CDH20: variants seen among roughly 807,000 people sequenced by gnomAD.
CDH20 encodes the protein cadherin 20.
Under a neutral mutation model 74.2 loss-of-function variants are expected in CDH20, and 29 were observed. The observed-to-expected ratio is 0.39, with a 90% CI of 0.29 to 0.53. The LOEUF (loss-of-function observed/expected upper bound fraction) is 0.53. CDH20 is among the 20% of genes least tolerant of loss of function. The pLI is 0.69. For missense variants in CDH20, 988 were observed against 1,048.3 expected (o/e 0.94, Z 0.79); for synonymous variants, 469 against 405.4 (o/e 1.16, Z -1.88).
At chr18:61,538,602 G>GTTTTTTTTTTTTTTTTTTTTT (rs1227502362) in intron 8 of CDH20, among the ~76,000 whole-genome samples, 1 of 50,448 alleles carries the variant, frequency 2.0e-5, no homozygotes, top group Non-Finnish European at 3.8e-5. Context: ...GTTTGTTTTT[G>GTTTTTTTTTTTTTTTTTTTTT]TTTTTGTTTT....
chr18:61,443,689 G>T (rs1909104793), intron 1 of CDH20, among the ~76,000 whole-genome samples: 1 of 152,138 alleles, frequency 6.6e-6, no homozygotes, highest in South Asian at 2.1e-4. Flanking sequence ...TCCATAGCGA[G>T]ATTTTCTTTT....
At chr18:61,538,732 C>T (rs1166860001) in intron 8 of CDH20, among the ~76,000 whole-genome samples, 1 of 150,820 alleles carries the variant, frequency 6.6e-6, no homozygotes, top group Non-Finnish European at 1.5e-5. Flanking sequence ...CATTCTCCTG[C>T]CTCAGTCTCC....
chr18:61,540,776 A>T (rs528590473), intron 9 of CDH20, among the ~76,000 whole-genome samples: 3 of 152,338 alleles, frequency 2.0e-5, no homozygotes, highest in South Asian at 4.2e-4. Context: ...CTAGGTCTGC[A>T]TAACCAAAAC....
chr18:61,494,308 T>C (rs1186113130), intron 2 of CDH20, among the ~76,000 whole-genome samples: 1 of 152,172 alleles, frequency 6.6e-6, no homozygotes, highest in Non-Finnish European at 1.5e-5. Flanking sequence ...GGCTGCTTCC[T>C]GAACCCTTGA....
chr18:61,504,344 C>T (rs1401645272), intron 5 of CDH20, among the ~76,000 whole-genome samples: 1 of 152,134 alleles, frequency 6.6e-6, no homozygotes, highest in East Asian at 1.9e-4. Context: ...GGACTTCTGC[C>T]TCTTGATTTC....
intron 1 of CDH20, among the ~76,000 whole-genome samples, chr18:61,460,367 C>G (rs769762558): frequency 6.6e-6 from 1 of 152,112 alleles, no homozygotes; most frequent in South Asian, 2.1e-4. Flanking sequence ...GCATTGAATT[C>G]AAAACAACAG....
At position 61,554,818 on chromosome 18, in the gene CDH20, G is replaced by A; in HGVS notation, c.*123G>A. On this transcript the variant is annotated 3_prime_UTR_variant, in exon 12 of 12. Coordinates refer to ENST00000262717, the MANE Select transcript of CDH20 (RefSeq NM_031891.4). ...AGAGTGAGAATGGGGGTGAGCAGGC[G>A]AACAGAGCTCTCTCTGGATCAGCTT... 1.4e-6 allele frequency: 2 copies of A among 1,430,790 alleles called. No homozygotes were observed. The highest frequency in any genetic ancestry group is 2.5e-5 in the East Asian group (1 of 39,800). 88.6% of individuals were successfully genotyped at this position (1,430,790 alleles called of 1,614,324 possible). A position where few individuals can be genotyped will look rare whatever the true frequency, so the allele number is the denominator to read the frequency against.
chr18:61,482,373 CCAG>C (rs780389185), intron 1 of CDH20, among the ~76,000 whole-genome samples: 1 of 152,194 alleles, frequency 6.6e-6, no homozygotes, highest in African/African-American at 2.4e-5. Flanking sequence ...TTCATCTTTT[CCAG>C]TTCCAACTTT....
At chr18:61,507,711 A>C (rs1911625518) in intron 6 of CDH20, 151 bp downstream of exon 6, 2 of 519,260 alleles carry the variant, frequency 3.9e-6, no homozygotes, top group Non-Finnish European at 6.4e-6. Flanking sequence ...CACACAGAAA[A>C]CCTCTTAACC....
chr18:61,517,636 G>A (rs1251914689), intron 6 of CDH20, among the ~76,000 whole-genome samples: 2 of 152,164 alleles, frequency 1.3e-5, no homozygotes, highest in African/African-American at 4.8e-5. Flanking sequence ...CAGGGACCTG[G>A]GTTTCAAGCA....
intron 1 of CDH20, among the ~76,000 whole-genome samples, chr18:61,430,536 A>C (rs1175812305): frequency 6.6e-6 from 1 of 152,198 alleles, no homozygotes; most frequent in African/African-American, 2.4e-5. Flanking sequence ...ACATTTAAGG[A>C]CTTGGAAGCT....
intron 1 of CDH20, among the ~76,000 whole-genome samples, chr18:61,414,378 T>C (rs113323543): frequency 5.3e-4 from 80 of 152,262 alleles, no homozygotes; most frequent in African/African-American, 1.6e-3. Context: ...AATGTATTCG[T>C]CTCCTATGAC....
intron 1 of CDH20, among the ~76,000 whole-genome samples, chr18:61,405,647 C>T (rs752718466): frequency 2.2e-4 from 34 of 152,094 alleles, no homozygotes; most frequent in Non-Finnish European, 3.2e-4. Flanking sequence ...TCAGGTTCTT[C>T]TAGTCAATCA....
Position 61,490,483 on chromosome 18 carries a change from T to C in CDH20, c.-71T>C. 1 of 1,500,528 alleles carries C rather than the reference T, an allele frequency of 6.7e-7. No individual in the cohort carries two copies. The highest frequency in any genetic ancestry group is 1.2e-5 in the South Asian group (1 of 83,940). 93.0% of individuals were successfully genotyped at this position (1,500,528 alleles called of 1,614,324 possible). ...GTCCAATCAAAAACTGTGTATTTTT[T>C]TAAATTTGGAAAATACTCAAGTTCC... On this transcript the variant is annotated 5_prime_UTR_variant, in exon 2 of 12. Transcript: ENST00000262717.
intron 1 of CDH20, among the ~76,000 whole-genome samples, chr18:61,350,434 T>C (rs1406094388): frequency 2.6e-5 from 4 of 152,074 alleles, no homozygotes; most frequent in South Asian, 2.1e-4. Flanking sequence ...TAATATATCA[T>C]GGTAATTATG....
chr18:61,447,857 G>A (rs1433708866), intron 1 of CDH20, among the ~76,000 whole-genome samples: 1 of 152,042 alleles, frequency 6.6e-6, no homozygotes, highest in Non-Finnish European at 1.5e-5. Flanking sequence ...CCTCTTTTCA[G>A]TAACATTCTA....
At chr18:61,542,255 A>C (rs1913067125) in intron 9 of CDH20, among the ~76,000 whole-genome samples, 1 of 152,106 alleles carries the variant, frequency 6.6e-6, no homozygotes, top group African/African-American at 2.4e-5. Context: ...CAGCACTGAT[A>C]CTAGGATTGG....
At chr18:61,401,789 C>G (rs1343648465) in intron 1 of CDH20, among the ~76,000 whole-genome samples, 1 of 152,046 alleles carries the variant, frequency 6.6e-6, no homozygotes, top group Non-Finnish European at 1.5e-5. Context: ...TGCAAATTCA[C>G]AGAGATCCAA....
At chr18:61,484,798 T>C (rs1910702420) in intron 1 of CDH20, among the ~76,000 whole-genome samples, 1 of 150,516 alleles carries the variant, frequency 6.6e-6, no homozygotes, top group Admixed American at 6.6e-5. Flanking sequence ...TCCCTACCAT[T>C]ATACAAAACT....
Sources: gnomAD v4.1 joint callset for allele counts (sites outside exome capture counted in the v4.1 genomes callset) on GRCh38, gnomAD v4.1.1 for gene constraint, MANE v1.5 for transcripts, NCBI Gene and HGNC (gene_info 2026-07-23, HGNC 2026-07-21) for gene names.